RRM2: variants seen among roughly 807,000 people sequenced by gnomAD.
The protein encoded by RRM2 is ribonucleotide reductase regulatory subunit M2.
In RRM2, 6 loss-of-function variants were observed where a neutral mutation model predicts 45.9. That is an observed-to-expected ratio of 0.13 (90% CI 0.07 to 0.26). RRM2 has a LOEUF of 0.26. RRM2 is among the 10% of genes least tolerant of loss of function. The pLI is 1.00. For missense variants in RRM2, 343 were observed against 489.5 expected (o/e 0.70, Z 2.82); for synonymous variants, 177 against 173.0 (o/e 1.02, Z -0.18).
intron 5 of RRM2, among the ~76,000 whole-genome samples, chr2:10,125,423 G>A (rs773899023): frequency 6.6e-6 from 1 of 152,154 alleles, no homozygotes; most frequent in Non-Finnish European, 1.5e-5. Context: ...GTCAGCTTTA[G>A]GGTGGCGCGC....
rs368618906 is a variant in RRM2, at chr2:10,195,083, T to C, written n.483-15228T>C. Among the ~76,000 whole-genome samples, 1,579 of 146,730 alleles carry C rather than the reference T, an allele frequency of 0.011. 33 individuals carry two copies. The highest frequency in any genetic ancestry group is 0.038 in the African/African-American group (1,448 of 37,842). On this transcript the variant is annotated intron_variant and non_coding_transcript_variant, in intron 3 of 3. Transcript: ENST00000381786. This position sits in a 1 kb window ranked among gnomAD's most constrained non-coding sequence, Gnocchi z 4.9. Reference sequence around the variant, plus strand: ...TACGGGTTTAATCTAAAATTCATTCTGATCCCTTGGCCTTGGAAAAGGCAC... The same window carrying C: ...TACGGGTTTAATCTAAAATTCATTCCGATCCCTTGGCCTTGGAAAAGGCAC...
rs930416064 is a variant in RRM2, at chr2:10,172,673, C to T, written n.482+30298C>T. On this transcript the variant is annotated intron_variant and non_coding_transcript_variant, in intron 3 of 3. Transcript: ENST00000381786. This position sits in a 1 kb window ranked among gnomAD's most constrained non-coding sequence, Gnocchi z 4.9. ...CCCTTCGCCTCTTCCTTCTGTCTGT[C>T]GGTGCAGCCTCTGAATAGAATCCTG... Among the ~76,000 whole-genome samples, 10 of 152,198 alleles carry T rather than the reference C, an allele frequency of 6.6e-5. No homozygotes were observed. Among genetic ancestry groups the T allele is most frequent in the African/African-American group, 1.9e-4 (8 of 41,460 alleles).
chr2:10,199,735 G>C (rs1363615133), intron 3 of RRM2, among the ~76,000 whole-genome samples: 2 of 122,600 alleles, frequency 1.6e-5, no homozygotes, highest in Non-Finnish European at 3.1e-5. Context: ...AACTGAGATC[G>C]TGCCACTGCA....
downstream of RRM2, among the ~76,000 whole-genome samples, chr2:10,134,839 G>A (rs1572493635): frequency 6.6e-6 from 1 of 152,244 alleles, no homozygotes; most frequent in Non-Finnish European, 1.5e-5. Context: ...TGGAGAGAGT[G>A]GACAGGCAGT....
intron 3 of RRM2, among the ~76,000 whole-genome samples, chr2:10,198,386 G>A (rs1374111789): frequency 6.6e-6 from 1 of 151,882 alleles, no homozygotes; most frequent in Non-Finnish European, 1.5e-5. Context: ...GCCAAGCTGA[G>A]TCTCACCATC....
At chr2:10,143,944 G>T (rs1402235451) in intron 3 of RRM2, among the ~76,000 whole-genome samples, 1 of 152,206 alleles carries the variant, frequency 6.6e-6, no homozygotes, top group African/African-American at 2.4e-5. Flanking sequence ...GGGATTACAG[G>T]CGTGAGCCAC....
At chr2:10,194,779 G>C (rs1664379280) in intron 3 of RRM2, among the ~76,000 whole-genome samples, 1 of 152,210 alleles carries the variant, frequency 6.6e-6, no homozygotes, top group African/African-American at 2.4e-5. Flanking sequence ...CAGCCCCACT[G>C]TCCTGTCCTT....
In RRM2 at chr2:10,123,760, C is replaced by A; in HGVS notation, c.343C>A (p.His115Asn). 6.2e-7 allele frequency: 1 copy of A among 1,609,344 alleles called. No homozygotes were observed. The highest frequency in any genetic ancestry group is 8.5e-7 in the Non-Finnish European group (1 of 1,175,612). ...GGTGGACCTCTCCAAGGACATTCAG[C>A]ACTGGGAATCCCTGAAACCCGAGGA... ...EEVDLSKDIQ[H>N]WESLKPEERY... The change falls in exon 4 of 10, where the codon CAC (histidine) becomes AAC (asparagine). Residue 115 changes from histidine (H) to asparagine (N), a missense_variant. Physicochemically the swap from His to Asn is moderately conservative, Grantham distance 68 (BLOSUM62 1). Transcript: ENST00000304567.
In RRM2 at chr2:10,185,813, C is replaced by T. The variant is rs1013456603; in HGVS notation, n.483-24498C>T. ...GTCTCCCCTAAACTCCAAATCTCTACTCTGACCCTCAGTCTCATCTTCTGG... is the reference window on the plus strand; with the variant it reads ...GTCTCCCCTAAACTCCAAATCTCTATTCTGACCCTCAGTCTCATCTTCTGG... On this transcript the variant is annotated intron_variant and non_coding_transcript_variant, in intron 3 of 3. Coordinates refer to the RRM2 transcript ENST00000381786. This position sits in a 1 kb window ranked among gnomAD's most constrained non-coding sequence, Gnocchi z 4.3. Among the ~76,000 whole-genome samples, 6 of 152,054 alleles carry T rather than the reference C, an allele frequency of 3.9e-5. No homozygotes were observed. Among genetic ancestry groups the T allele is most frequent in the Admixed American group, 3.3e-4 (5 of 15,272 alleles).
At chr2:10,139,890 C>T (rs923354237), upstream of RRM2, among the ~76,000 whole-genome samples, 1 of 152,186 alleles carries the variant, frequency 6.6e-6, no homozygotes. Context: ...AGGAAATAGC[C>T]CGTGGGTGGG....
At chr2:10,144,976 A>G (rs1442540639) in intron 3 of RRM2, among the ~76,000 whole-genome samples, 1 of 152,214 alleles carries the variant, frequency 6.6e-6, no homozygotes, top group Non-Finnish European at 1.5e-5. Flanking sequence ...GGAGCCCCCA[A>G]GGCTGCTGGG....
intron 3 of RRM2, among the ~76,000 whole-genome samples, chr2:10,209,581 G>A (rs1266349294): frequency 6.8e-6 from 1 of 147,756 alleles, no homozygotes; most frequent in African/African-American, 2.5e-5. Flanking sequence ...TTGCATGTGT[G>A]TGTGTGTGTG....
At chr2:10,153,801 C>A (rs767936584) in intron 3 of RRM2, among the ~76,000 whole-genome samples, 3 of 152,046 alleles carry the variant, frequency 2.0e-5, no homozygotes, top group Non-Finnish European at 4.4e-5. Flanking sequence ...AAACACAGAC[C>A]AGTATAGTGG....
chr2:10,150,367 A>C (rs1271760132), intron 3 of RRM2, among the ~76,000 whole-genome samples: 1 of 151,466 alleles, frequency 6.6e-6, no homozygotes, highest in African/African-American at 2.4e-5. Flanking sequence ...GAATCGCTTG[A>C]ATCTGGGAGG....
intron 3 of RRM2, among the ~76,000 whole-genome samples, chr2:10,142,608 C>T (rs538843266): frequency 8.6e-5 from 13 of 151,480 alleles, no homozygotes; most frequent in African/African-American, 2.9e-4. Context: ...CCTGCGATCC[C>T]CCTCCCATTC....
At chr2:10,140,708 A>G (rs1308579506), upstream of RRM2, among the ~76,000 whole-genome samples, 10 of 152,260 alleles carry the variant, frequency 6.6e-5, no homozygotes, top group Admixed American at 6.5e-4. Flanking sequence ...GTTGTCATAA[A>G]AATGTGTACA....
intron 3 of RRM2, among the ~76,000 whole-genome samples, chr2:10,189,899 C>T (rs12621615): frequency 0.48 from 72,925 of 152,054 alleles, 17,690 homozygotes; most frequent in Non-Finnish European, 0.53. Flanking sequence ...TGTTCCCTTC[C>T]CTCGAGAGGG....
At chr2:10,152,835 GA>G (rs1426696054) in intron 3 of RRM2, among the ~76,000 whole-genome samples, 1 of 152,058 alleles carries the variant, frequency 6.6e-6, no homozygotes, top group Non-Finnish European at 1.5e-5. Context: ...GGAACTCTTG[GA>G]CATGGTTGGT....
intron 3 of RRM2, among the ~76,000 whole-genome samples, chr2:10,200,621 G>A (rs189946837): frequency 1.9e-4 from 13 of 67,946 alleles, no homozygotes; most frequent in African/African-American, 3.6e-4. Context: ...GGGACCGCGC[G>A]CGCAAAATAT....
Sources: gnomAD v4.1 joint callset for allele counts (sites outside exome capture counted in the v4.1 genomes callset) on GRCh38, gnomAD v4.1.1 for gene constraint, Gnocchi (gnomAD v3.1) non-coding constraint, MANE v1.5 for transcripts, NCBI Gene and HGNC (gene_info 2026-07-23, HGNC 2026-07-21) for gene names.